NELL1: variants seen among roughly 807,000 people sequenced by gnomAD.
The protein encoded by NELL1 is neural EGFL like 1, also known as protein kinase C-binding protein NELL1.
In NELL1, 76 loss-of-function variants were observed where a neutral mutation model predicts 107.4. The observed-to-expected ratio is 0.71, with a 90% CI of 0.59 to 0.86. The LOEUF is 0.86. NELL1 is among the 40% of genes least tolerant of loss of function. The pLI, the probability that NELL1 is intolerant of heterozygous loss-of-function variation, is 0.00. For synonymous variants in NELL1, 353 were observed against 341.2 expected (o/e 1.03, Z -0.38); for missense variants, 1,024 against 1,005.5 (o/e 1.02, Z -0.25).
intron 12 of NELL1, among the ~76,000 whole-genome samples, chr11:21,112,121 G>A (rs1357073472): frequency 6.6e-6 from 1 of 151,990 alleles, no homozygotes; most frequent in East Asian, 1.9e-4. Flanking sequence ...TGGCCTGCAG[G>A]AAGTTGATTG....
chr11:21,023,573 A>T (rs908934441), intron 12 of NELL1, among the ~76,000 whole-genome samples: 2 of 150,176 alleles, frequency 1.3e-5, no homozygotes, highest in Non-Finnish European at 3.0e-5. Context: ...ATGCTGCTAA[A>T]TTTTTTTTTT....
At chr11:21,338,669 T>C (rs1850491110) in intron 14 of NELL1, among the ~76,000 whole-genome samples, 1 of 150,198 alleles carries the variant, frequency 6.7e-6, no homozygotes, top group Non-Finnish European at 1.5e-5. Flanking sequence ...CTGGCATGAA[T>C]TGTCTTGCAC....
intron 15 of NELL1, among the ~76,000 whole-genome samples, chr11:21,517,865 G>C (rs148901900): frequency 6.6e-6 from 1 of 152,076 alleles, no homozygotes. Context: ...AGTGAGAAAT[G>C]ATTCAGTCCC....
intron 14 of NELL1, among the ~76,000 whole-genome samples, chr11:21,276,779 C>CA (rs1180532244): frequency 6.6e-6 from 1 of 152,136 alleles, no homozygotes; most frequent in Non-Finnish European, 1.5e-5. Context: ...ACAAACCTGA[C>CA]AAAAACAAGC....
chr11:20,723,397 T>C (rs2203893), intron 2 of NELL1, among the ~76,000 whole-genome samples: 107,538 of 151,854 alleles, frequency 0.71, 41,207 homozygotes, highest in East Asian at 0.95. Flanking sequence ...ATGGGAGACA[T>C]TGGCCAAAAC....
chr11:21,520,212 G>C (rs1185546462), intron 15 of NELL1, among the ~76,000 whole-genome samples: 1 of 152,174 alleles, frequency 6.6e-6, no homozygotes, highest in Non-Finnish European at 1.5e-5. Flanking sequence ...CCAGAATTCA[G>C]TTCCTATCCT....
chr11:20,906,533 A>C (rs965456944), intron 5 of NELL1, among the ~76,000 whole-genome samples: 1 of 152,100 alleles, frequency 6.6e-6, no homozygotes. Context: ...GCAGATAAGG[A>C]CATCATAAGC....
intron 13 of NELL1, among the ~76,000 whole-genome samples, chr11:21,150,561 T>C (rs1384058536): frequency 6.6e-6 from 1 of 152,114 alleles, no homozygotes; most frequent in African/African-American, 2.4e-5. Context: ...GCCGCACTGG[T>C]TGGTTAATGC....
chr11:21,391,130 G>A (rs956634409), intron 15 of NELL1, among the ~76,000 whole-genome samples: 15 of 151,782 alleles, frequency 9.9e-5, no homozygotes, highest in East Asian at 3.9e-4. Context: ...TAGTTTGAAC[G>A]GGTATAGAAT....
chr11:21,560,843 G>A (rs1438002064), intron 17 of NELL1, among the ~76,000 whole-genome samples: 2 of 152,166 alleles, frequency 1.3e-5, no homozygotes, highest in South Asian at 2.1e-4. Flanking sequence ...GAGACAGGTG[G>A]ATTTTCATTT....
chr11:21,260,076 A>G (rs550037746), intron 14 of NELL1: 1 of 151,966 alleles, frequency 6.6e-6, no homozygotes, highest in Non-Finnish European at 1.5e-5. Context: ...GCAGGAAACC[A>G]AACGGAAAAC....
intron 2 of NELL1, among the ~76,000 whole-genome samples, chr11:20,732,320 C>T (rs889711639): frequency 2.6e-5 from 4 of 152,106 alleles, no homozygotes; most frequent in African/African-American, 9.7e-5. Context: ...TGTTAAGCTC[C>T]ATCTTTAATC....
intron 18 of NELL1, 66 bp downstream of exon 18, chr11:21,571,006 T>C (rs1379651635): frequency 6.7e-7 from 1 of 1,484,650 alleles, no homozygotes; most frequent in Non-Finnish European, 9.2e-7. Flanking sequence ...TTCAGTTGTC[T>C]GTGGGACCTA....
At chr11:20,921,512 A>G (rs1169033343) in intron 7 of NELL1, among the ~76,000 whole-genome samples, 1 of 152,138 alleles carries the variant, frequency 6.6e-6, no homozygotes, top group Non-Finnish European at 1.5e-5. Flanking sequence ...GAGAAAGTTC[A>G]TGGTTTGACA....
intron 4 of NELL1, among the ~76,000 whole-genome samples, chr11:20,881,598 A>G (rs987977909): frequency 6.6e-6 from 1 of 152,228 alleles, no homozygotes; most frequent in South Asian, 2.1e-4. Context: ...TAAGTGTTGT[A>G]TAAGTGCTGG....
intron 18 of NELL1, among the ~76,000 whole-genome samples, chr11:21,571,828 A>G (rs150802929): frequency 1.3e-5 from 2 of 151,978 alleles, no homozygotes; most frequent in South Asian, 2.1e-4. Context: ...AGTCACAACT[A>G]TGGAACATTC....
intron 13 of NELL1, among the ~76,000 whole-genome samples, chr11:21,119,021 G>T (rs1293237851): frequency 6.6e-6 from 1 of 152,004 alleles, no homozygotes; most frequent in Admixed American, 6.6e-5. Flanking sequence ...TAGTCACCAA[G>T]ATTATTAAAA....
At chr11:21,054,705 G>T (rs895962837) in intron 12 of NELL1, among the ~76,000 whole-genome samples, 1 of 151,926 alleles carries the variant, frequency 6.6e-6, no homozygotes, top group Non-Finnish European at 1.5e-5. Context: ...AAACATTTTT[G>T]TATGCATATT....
chr11:21,441,330 C>CTT lies in NELL1; in HGVS notation c.1645+70382_1645+70383insTT, dbSNP rs1309300543. ...TATATTCTTTACTCTGAGGCTGTGA[C>CTT]GTGTGTGTGTGTGTGTGTGTGTGTG... On this transcript the variant is annotated intron_variant, in intron 15 of 19. Coordinates refer to ENST00000357134, the MANE Select transcript of NELL1 (RefSeq NM_006157.5). Among the ~76,000 whole-genome samples the CTT allele has an allele frequency of 6.3e-3, 883 of 140,234 alleles. 14 individuals are homozygous for CTT. The highest frequency in any genetic ancestry group is 8.5e-3 in the African/African-American group (335 of 39,418). The allele number at this position is 140,234 out of a possible 152,430, so 92.0% of individuals were successfully genotyped here.
Sources: gnomAD v4.1 joint callset for allele counts (sites outside exome capture counted in the v4.1 genomes callset) on GRCh38, gnomAD v4.1.1 for gene constraint, MANE v1.5 for transcripts, NCBI Gene and HGNC (gene_info 2026-07-23, HGNC 2026-07-21) for gene names.